The following WDPCP variants were observed in gnomAD, a reference collection of about 807,000 sequenced individuals.
The protein encoded by WDPCP is WD repeat-containing and planar cell polarity effector protein fritz homolog.
Under a neutral mutation model 93.1 loss-of-function variants are expected in WDPCP, and 71 were observed. The observed-to-expected ratio is 0.76, with a 90% CI of 0.63 to 0.93. WDPCP has a LOEUF of 0.93. Among genes scored for constraint, WDPCP ranks in the 40% least tolerant of loss-of-function variants. WDPCP has a pLI of 0.00. For missense variants in WDPCP, 844 were observed against 887.4 expected, an observed-to-expected ratio of 0.95 and a Z score of 0.62; for synonymous variants, 315 against 315.0, an observed-to-expected ratio of 1.00 and a Z score of 0.00.
At chr2:63,552,099 C>CTTTTTTTTTTTTTTTTTTTTTTTTTTTTT (rs1438245822) in intron 1 of WDPCP, among the ~76,000 whole-genome samples, 1 of 117,064 alleles carries the variant, frequency 8.5e-6, no homozygotes, top group African/African-American at 4.9e-5. Context: ...GCCCTGCTTT[C>CTTTTTTTTTTTTTTTTTTTTTTTTTTTTT]TTTAAAACAA....
intron 1 of WDPCP, among the ~76,000 whole-genome samples, chr2:63,546,934 A>G (rs576422088): frequency 6.6e-6 from 1 of 152,192 alleles, no homozygotes; most frequent in East Asian, 1.9e-4. Flanking sequence ...AAGACAAAAG[A>G]TTTCTGAGAA....
intron 2 of WDPCP, among the ~76,000 whole-genome samples, chr2:63,720,709 C>A (rs1340235297): frequency 6.6e-6 from 1 of 152,166 alleles, no homozygotes; most frequent in African/African-American, 2.4e-5. Flanking sequence ...TTCCTGTGAT[C>A]TCTGCATATA....
intron 9 of WDPCP, among the ~76,000 whole-genome samples, chr2:63,423,166 T>C (rs909261715): frequency 3.3e-5 from 5 of 152,226 alleles, no homozygotes; most frequent in Non-Finnish European, 7.3e-5. Flanking sequence ...TAATAGCTCA[T>C]TAAACTATGC....
Position 63,338,551 on chromosome 2 carries a change from TAAAAA to T in WDPCP, c.1749-25245_1749-25241del, listed in dbSNP as rs373990599. Reference sequence around the variant, plus strand: ...TGGGCAACAAGAGCAAAACTCCATCTAAAAAAAAAAAAAAAAAAATATATATATAT... The same window carrying T: ...TGGGCAACAAGAGCAAAACTCCATCTAAAAAAAAAAAAAATATATATATAT... On this transcript the variant is annotated intron_variant, in intron 12 of 17. Coordinates refer to ENST00000272321, the MANE Select transcript of WDPCP (RefSeq NM_015910.7). Among the ~76,000 whole-genome samples the T allele has an allele frequency of 4.7e-3, 117 of 25,022 alleles. 3 individuals carry two copies. Among genetic ancestry groups the T allele is most frequent in the East Asian group, 0.011 (8 of 712 alleles). 16.4% of individuals were successfully genotyped at this position (25,022 alleles called of 152,430 possible).
chr2:63,586,670 T>C (rs1343885831), intron 1 of WDPCP, among the ~76,000 whole-genome samples: 2 of 152,200 alleles, frequency 1.3e-5, no homozygotes, highest in African/African-American at 4.8e-5. Context: ...CAAGGGCAAC[T>C]AGCAATAAAC....
chr2:63,510,655 G>T (rs1328838542), intron 1 of WDPCP, among the ~76,000 whole-genome samples: 4 of 152,166 alleles, frequency 2.6e-5, no homozygotes, highest in Non-Finnish European at 5.9e-5. Context: ...TCTGTTTGCA[G>T]ATGACATGAT....
At chr2:63,181,582 T>C (rs1285736783) in intron 14 of WDPCP, among the ~76,000 whole-genome samples, 1 of 152,198 alleles carries the variant, frequency 6.6e-6, no homozygotes, top group Non-Finnish European at 1.5e-5. Context: ...ACCATGCTGT[T>C]TTGGTTACTG....
At chr2:63,702,632 G>A (rs1209630253) in intron 2 of WDPCP, among the ~76,000 whole-genome samples, 3 of 151,254 alleles carry the variant, frequency 2.0e-5, no homozygotes, top group Non-Finnish European at 4.4e-5. Flanking sequence ...TACGCCTCCG[G>A]GGTTCACACC....
At chr2:63,707,231 T>C (rs957586669) in intron 2 of WDPCP, among the ~76,000 whole-genome samples, 3 of 152,212 alleles carry the variant, frequency 2.0e-5, no homozygotes, top group African/African-American at 7.2e-5. Flanking sequence ...TTTTCCAACT[T>C]GGTTCCATTC....
intron 2 of WDPCP, among the ~76,000 whole-genome samples, chr2:63,675,521 G>T (rs574343283): frequency 6.6e-6 from 1 of 152,194 alleles, no homozygotes; most frequent in East Asian, 1.9e-4. Context: ...TTTCTTCGCG[G>T]GGTAGGGGGG....
chr2:63,287,750 T>C (rs552441119), intron 13 of WDPCP, among the ~76,000 whole-genome samples: 2 of 152,354 alleles, frequency 1.3e-5, no homozygotes, highest in African/African-American at 2.4e-5. Context: ...ATGTGTACAC[T>C]CAATCTAATA....
chr2:63,452,944 A>G (rs1046141120), intron 6 of WDPCP, among the ~76,000 whole-genome samples: 1 of 152,254 alleles, frequency 6.6e-6, no homozygotes, highest in African/African-American at 2.4e-5. Flanking sequence ...AAATTAATTC[A>G]AGATGGATTA....
intron 14 of WDPCP, among the ~76,000 whole-genome samples, chr2:63,184,388 G>A (rs1361276048): frequency 6.6e-6 from 1 of 151,976 alleles, no homozygotes; most frequent in Non-Finnish European, 1.5e-5. Flanking sequence ...GAACTCCTTT[G>A]AATATTTTTA....
At chr2:63,589,136 T>C, upstream of WDPCP, 21 of 1,613,888 alleles carry the variant, frequency 1.3e-5, no homozygotes, top group Non-Finnish European at 1.6e-5. Flanking sequence ...GGGAGGCAGC[T>C]GTGCAAGGCA....
Position 63,559,391 on chromosome 2 carries a change from C to T in WDPCP, c.75+28806G>A, listed in dbSNP as rs35262087. Among the ~76,000 whole-genome samples the T allele has an allele frequency of 6.3e-4, 96 of 152,266 alleles. No individual in the cohort carries two copies. In the East Asian group the frequency reaches 0.013, roughly 21 times the overall value. On this transcript the variant is annotated intron_variant, in intron 1 of 17. Transcript: ENST00000272321. ...ACAAGGATGCCCTCTCTCACCACTC[C>T]TATTCAACATAGTATTGGAATTTCT... is the stretch of plus-strand genomic sequence containing the variant.
chr2:63,555,451 G>T (rs776411361), intron 1 of WDPCP, among the ~76,000 whole-genome samples: 2 of 152,238 alleles, frequency 1.3e-5, no homozygotes, highest in East Asian at 3.9e-4. Flanking sequence ...AGGCCAGTGG[G>T]ATTCCCCCCA....
chr2:63,208,693 A>G (rs1676523463), intron 14 of WDPCP, among the ~76,000 whole-genome samples: 1 of 152,142 alleles, frequency 6.6e-6, no homozygotes. Context: ...AAATCTTCCA[A>G]TTAGTAGTTG....
intron 13 of WDPCP, among the ~76,000 whole-genome samples, chr2:63,286,212 C>A (rs975608594): frequency 3.9e-5 from 6 of 152,068 alleles, no homozygotes; most frequent in Non-Finnish European, 7.4e-5. Context: ...GATTGTCAGG[C>A]CTCTGAGTCC....
intron 2 of WDPCP, among the ~76,000 whole-genome samples, chr2:63,654,152 T>G (rs1710139586): frequency 6.6e-6 from 1 of 151,914 alleles, no homozygotes; most frequent in Non-Finnish European, 1.5e-5. Flanking sequence ...AAAATAAATT[T>G]TTAGAGATGA....
Sources: allele counts gnomAD v4.1 joint callset (sites outside exome capture counted in the v4.1 genomes callset), GRCh38; gene constraint gnomAD v4.1.1; transcripts MANE v1.5; gene names NCBI Gene and HGNC (gene_info 2026-07-23, HGNC 2026-07-21).